EYA4: variants seen among roughly 807,000 people sequenced by gnomAD.
EYA4 encodes EYA transcriptional coactivator and phosphatase 4.
In EYA4, 31 loss-of-function variants were observed where a neutral mutation model predicts 87.9. The observed-to-expected ratio is 0.35, with a 90% CI of 0.27 to 0.48. The LOEUF is 0.48. Ranked by LOEUF, EYA4 falls within the 20% of genes least tolerant of loss-of-function variation. The pLI, the probability that EYA4 is intolerant of heterozygous loss-of-function variation, is 0.99. For missense variants in EYA4, 678 were observed against 761.4 expected (o/e 0.89, Z 1.29); for synonymous variants, 263 against 270.6 (o/e 0.97, Z 0.28).
At chr6:133,280,465 C>T (rs558168328) in intron 2 of EYA4, among the ~76,000 whole-genome samples, 4 of 151,802 alleles carry the variant, frequency 2.6e-5, no homozygotes, top group Admixed American at 6.6e-5. Flanking sequence ...GGTACAATCT[C>T]GGCTCACTGC....
In EYA4 at chr6:133,515,449, T is replaced by A. The variant is rs747731418; in HGVS notation, c.1616+14T>A. Reference sequence around the variant, plus strand: ...TATTAGCACTAGGTAAGTGGAATTGTTACCTTTCTATGTGTATCGTATTGA... The same window carrying A: ...TATTAGCACTAGGTAAGTGGAATTGATACCTTTCTATGTGTATCGTATTGA... On this transcript the variant is annotated intron_variant, in intron 17 of 19. Transcript: ENST00000355286. 1.5e-6 allele frequency: 2 copies of A among 1,366,188 alleles called. No individual in the cohort carries two copies. Among genetic ancestry groups the A allele is most frequent in the Non-Finnish European group, 2.1e-6 (2 of 953,504 alleles). 84.6% of individuals were successfully genotyped at this position (1,366,188 alleles called of 1,614,324 possible). A position where few individuals can be genotyped will look rare whatever the true frequency, so the allele number is the denominator to read the frequency against.
chr6:133,455,157 T>A (rs1003217706), intron 5 of EYA4, among the ~76,000 whole-genome samples: 5 of 152,188 alleles, frequency 3.3e-5, no homozygotes, highest in Non-Finnish European at 4.4e-5. Flanking sequence ...ATAAAATGAT[T>A]TTATAATGAT....
chr6:133,260,049 T>C (rs1235532417), intron 1 of EYA4, among the ~76,000 whole-genome samples: 1 of 152,208 alleles, frequency 6.6e-6, no homozygotes, highest in African/African-American at 2.4e-5. Context: ...ATTTTTATGG[T>C]TCTCTTCCAG....
intron 3 of EYA4, among the ~76,000 whole-genome samples, chr6:133,408,786 G>C (rs1472840644): frequency 6.6e-6 from 1 of 152,090 alleles, no homozygotes; most frequent in East Asian, 1.9e-4. Context: ...GATTATTCAT[G>C]GTATTCACCA....
At chr6:133,374,037 G>T (rs538892570) in intron 2 of EYA4, among the ~76,000 whole-genome samples, 1 of 152,028 alleles carries the variant, frequency 6.6e-6, no homozygotes, top group Non-Finnish European at 1.5e-5. Flanking sequence ...TCATAAAGCC[G>T]ATATGGCATT....
At chr6:133,277,212 C>A (rs1437778137) in intron 2 of EYA4, among the ~76,000 whole-genome samples, 1 of 152,190 alleles carries the variant, frequency 6.6e-6, no homozygotes, top group Non-Finnish European at 1.5e-5. Flanking sequence ...TTTCCATATA[C>A]TTGCTCCAAT....
At chr6:133,374,799 C>T (rs1034826265) in intron 2 of EYA4, among the ~76,000 whole-genome samples, 2 of 151,916 alleles carry the variant, frequency 1.3e-5, no homozygotes, top group African/African-American at 4.8e-5. Flanking sequence ...AAAAGAATTT[C>T]AGAAATGTAT....
chr6:133,499,013 C>T (rs761853498), intron 13 of EYA4, among the ~76,000 whole-genome samples: 44 of 152,284 alleles, frequency 2.9e-4, no homozygotes, highest in South Asian at 1.5e-3. Context: ...CTTGAAAGGA[C>T]ATCACATTGA....
chr6:133,283,243 G>A (rs893660192), intron 2 of EYA4, among the ~76,000 whole-genome samples: 3 of 151,984 alleles, frequency 2.0e-5, no homozygotes, highest in Admixed American at 1.3e-4. Context: ...GCAGTGAGCC[G>A]AGATTGTGCC....
intron 2 of EYA4, among the ~76,000 whole-genome samples, chr6:133,314,257 A>T (rs989199910): frequency 2.6e-5 from 4 of 152,194 alleles, no homozygotes; most frequent in African/African-American, 9.6e-5. Context: ...GTGTGACTGT[A>T]TGCTTGTATA....
intron 2 of EYA4, among the ~76,000 whole-genome samples, chr6:133,347,014 G>T (rs9375957): frequency 0.17 from 25,382 of 152,170 alleles, 2,224 homozygotes; most frequent in East Asian, 0.35. Context: ...TCTGGAGAGA[G>T]AGTTTATCAG....
At chr6:133,256,972 A>G (rs1775388372) in intron 1 of EYA4, among the ~76,000 whole-genome samples, 1 of 152,068 alleles carries the variant, frequency 6.6e-6, no homozygotes, top group South Asian at 2.1e-4. Context: ...TTCCTGCAGA[A>G]TTTCCTGTTA....
chr6:133,276,038 G>A (rs2128271843), intron 2 of EYA4, among the ~76,000 whole-genome samples: 1 of 152,266 alleles, frequency 6.6e-6, no homozygotes, highest in Admixed American at 6.5e-5. Context: ...TTCACAGCAT[G>A]GACTCTAGCA....
chr6:133,327,321 G>A (rs925886660), intron 2 of EYA4, among the ~76,000 whole-genome samples: 2 of 151,678 alleles, frequency 1.3e-5, no homozygotes, highest in African/African-American at 2.4e-5. Flanking sequence ...GAGTAGAGAC[G>A]GGGTTTCAGC....
chr6:133,308,942 TA>T (rs1443976716), intron 2 of EYA4, among the ~76,000 whole-genome samples: 3 of 141,768 alleles, frequency 2.1e-5, no homozygotes, highest in Non-Finnish European at 4.5e-5. Context: ...TTCAGAGAGG[TA>T]TTTTTTTGAA....
At chr6:133,419,038 A>T (rs2128556798) in intron 3 of EYA4, among the ~76,000 whole-genome samples, 1 of 152,318 alleles carries the variant, frequency 6.6e-6, no homozygotes, top group East Asian at 1.9e-4. Flanking sequence ...CTCTCTTTTT[A>T]TAAGGGTATA....
chr6:133,286,173 C>T (rs116093454), intron 2 of EYA4, among the ~76,000 whole-genome samples: 1,982 of 152,240 alleles, frequency 0.013, 34 homozygotes, highest in African/African-American at 0.041. Flanking sequence ...CTCAGGGAAA[C>T]AATGGGGATC....
At chr6:133,330,220 G>A (rs558114055) in intron 2 of EYA4, among the ~76,000 whole-genome samples, 18 of 152,020 alleles carry the variant, frequency 1.2e-4, no homozygotes, top group Non-Finnish European at 1.0e-4. Flanking sequence ...TGTTGTTTAC[G>A]GAATTCATAC....
intron 13 of EYA4, among the ~76,000 whole-genome samples, chr6:133,497,265 G>A (rs1797721655): frequency 6.6e-6 from 1 of 151,858 alleles, no homozygotes; most frequent in Non-Finnish European, 1.5e-5. Context: ...TAAAATGTGT[G>A]GACCACAGTA....
Sources: allele counts gnomAD v4.1 joint callset (sites outside exome capture counted in the v4.1 genomes callset), GRCh38; gene constraint gnomAD v4.1.1; transcripts MANE v1.5; gene names NCBI Gene and HGNC (gene_info 2026-07-23, HGNC 2026-07-21).